Variants in XKR9 observed in about 807,000 individuals in gnomAD.
XKR9 encodes the protein XK related 9, also known as XK-related protein 9.
XKR9 carries 32 observed loss-of-function variants against 32.0 expected under a neutral mutation model. That is an observed-to-expected ratio of 1.00 (90% CI 0.76 to 1.34). The LOEUF is 1.34. Ranked by LOEUF, XKR9 falls within the 40% of genes most tolerant of loss-of-function variation. XKR9 has a pLI of 0.00. For missense variants in XKR9, 546 were observed against 429.7 expected, an observed-to-expected ratio of 1.27 and a Z score of -2.39; for synonymous variants, 168 against 143.4, an observed-to-expected ratio of 1.17 and a Z score of -1.22.
Position 70,735,157 on chromosome 8 carries a change from G to C in XKR9, c.*733G>C, listed in dbSNP as rs1391271393. On this transcript the variant is annotated 3_prime_UTR_variant, in exon 5 of 5. Transcript: ENST00000408926. ...CCATCTTAATCACTTTGAGTGTACA[G>C]TTCATCAGTGTTAACTGTATTCACC... 2 of 152,006 alleles carry C rather than the reference G, an allele frequency of 1.3e-5. No homozygotes were observed. The highest frequency in any genetic ancestry group is 4.2e-4 in the South Asian group (2 of 4,814). The allele number at this position is 152,006 out of a possible 1,614,324, so 9.4% of individuals were successfully genotyped here.
chr8:70,923,145 C>T, the XKR9 span, among the ~76,000 whole-genome samples: 1 of 152,214 alleles, frequency 6.6e-6, no homozygotes, highest in East Asian at 1.9e-4. Context: ...TCTATGACGG[C>T]CCACTGAAGG....
the XKR9 span, among the ~76,000 whole-genome samples, chr8:70,808,409 G>T: frequency 2.0e-5 from 3 of 152,166 alleles, no homozygotes; most frequent in Non-Finnish European, 2.9e-5. Flanking sequence ...TCCAACTGAG[G>T]TACTGGGTTC....
At chr8:70,941,252 A>G in the XKR9 span, among the ~76,000 whole-genome samples, 3 of 151,926 alleles carry the variant, frequency 2.0e-5, no homozygotes, top group Admixed American at 6.6e-5. Context: ...GGGTTCTTTC[A>G]CTTAGTGTAA....
At chr8:71,014,708 T>C in the XKR9 span, among the ~76,000 whole-genome samples, 1 of 152,186 alleles carries the variant, frequency 6.6e-6, no homozygotes, top group African/African-American at 2.4e-5. Context: ...GGGGCCATCA[T>C]TCAATCCAGT....
chr8:70,755,631 T>C (rs1807211366), intron 2 of XKR9, among the ~76,000 whole-genome samples: 1 of 151,556 alleles, frequency 6.6e-6, no homozygotes, highest in Non-Finnish European at 1.5e-5. Flanking sequence ...AAATTGGAAA[T>C]CATCATTCTC....
At chr8:70,778,532 T>G (rs758094550) in intron 2 of XKR9, among the ~76,000 whole-genome samples, 10 of 152,182 alleles carry the variant, frequency 6.6e-5, no homozygotes, top group African/African-American at 4.8e-5. Flanking sequence ...TATAAATTAC[T>G]TTGGGCAGTA....
intron 3 of XKR9, among the ~76,000 whole-genome samples, chr8:70,705,971 T>A (rs1333243841): frequency 6.6e-6 from 1 of 152,132 alleles, no homozygotes; most frequent in African/African-American, 2.4e-5. Context: ...GCTGAGGAAT[T>A]TTTATAGCAC....
the XKR9 span, among the ~76,000 whole-genome samples, chr8:71,013,495 T>G: frequency 0.43 from 65,748 of 151,966 alleles, 15,281 homozygotes; most frequent in Non-Finnish European, 0.53. Flanking sequence ...GGGGCAGAAG[T>G]GAACCTTCAG....
the XKR9 span, among the ~76,000 whole-genome samples, chr8:70,870,871 T>C: frequency 6.6e-6 from 1 of 152,134 alleles, no homozygotes; most frequent in Non-Finnish European, 1.5e-5. Flanking sequence ...AAAGTCTTAA[T>C]AACAAAAGAA....
At chr8:70,709,886 T>C (rs1053529083) in intron 4 of XKR9, among the ~76,000 whole-genome samples, 2 of 152,202 alleles carry the variant, frequency 1.3e-5, no homozygotes, top group Non-Finnish European at 2.9e-5. Flanking sequence ...CAAAGCAATG[T>C]ACAGATTCAG....
the XKR9 span, among the ~76,000 whole-genome samples, chr8:70,905,919 C>T: frequency 1.8e-4 from 28 of 152,236 alleles, no homozygotes; most frequent in African/African-American, 6.3e-4. Flanking sequence ...CCTGTGTTAT[C>T]ACCAGCGGAG....
chr8:71,049,401 G>A, the XKR9 span, among the ~76,000 whole-genome samples: 1 of 152,168 alleles, frequency 6.6e-6, no homozygotes, highest in South Asian at 2.1e-4. Flanking sequence ...GTATGCTGAT[G>A]TATTAAAAAT....
chr8:70,838,926 CTAAA>C, the XKR9 span, among the ~76,000 whole-genome samples: 3 of 152,208 alleles, frequency 2.0e-5, no homozygotes, highest in South Asian at 6.2e-4. Flanking sequence ...TGTCTCTAGA[CTAAA>C]TAATTTGATG....
chr8:70,675,148 C>T (rs928200732), intron 2 of XKR9, among the ~76,000 whole-genome samples: 3 of 152,082 alleles, frequency 2.0e-5, no homozygotes, highest in African/African-American at 7.3e-5. Context: ...AAACGAGGGC[C>T]AGGTGCAGTT....
the XKR9 span, among the ~76,000 whole-genome samples, chr8:71,019,775 A>C: frequency 6.6e-6 from 1 of 152,194 alleles, no homozygotes; most frequent in African/African-American, 2.4e-5. Context: ...TTAAGGTGAA[A>C]GCAGAAAAGG....
the XKR9 span, among the ~76,000 whole-genome samples, chr8:70,850,634 T>C: frequency 6.6e-6 from 1 of 152,110 alleles, no homozygotes. Flanking sequence ...GGTTTCAACA[T>C]TCACAAATCA....
chr8:70,677,157 T>C (rs1425018300), intron 2 of XKR9, among the ~76,000 whole-genome samples: 1 of 145,356 alleles, frequency 6.9e-6, no homozygotes, highest in African/African-American at 2.4e-5. Context: ...TTTTTTTGTT[T>C]TGTTTTGTGA....
At chr8:70,877,842 C>A in the XKR9 span, among the ~76,000 whole-genome samples, 1 of 151,958 alleles carries the variant, frequency 6.6e-6, no homozygotes, top group South Asian at 2.1e-4. Context: ...AGAAGAGCAA[C>A]CCAAGACATA....
the XKR9 span, among the ~76,000 whole-genome samples, chr8:70,962,464 G>A: frequency 1.3e-5 from 2 of 152,128 alleles, no homozygotes; most frequent in African/African-American, 2.4e-5. Flanking sequence ...TGCGGTATTT[G>A]GTTTTCTGTT....
Sources: gnomAD v4.1 joint callset for allele counts (sites outside exome capture counted in the v4.1 genomes callset) on GRCh38, gnomAD v4.1.1 for gene constraint, MANE v1.5 for transcripts, NCBI Gene and HGNC (gene_info 2026-07-23, HGNC 2026-07-21) for gene names.